NRXN3: variants seen among roughly 807,000 people sequenced by gnomAD.
NRXN3 encodes neurexin 3, also known as neurexin III.
Under a neutral mutation model 137.6 loss-of-function variants are expected in NRXN3, and 32 were observed. That is an observed-to-expected ratio of 0.23 (90% CI 0.18 to 0.31). The LOEUF (loss-of-function observed/expected upper bound fraction) is 0.31. NRXN3 is among the 10% of genes least tolerant of loss of function. NRXN3 has a pLI of 1.00. For missense variants in NRXN3, 1,574 were observed against 2,062.5 expected, an observed-to-expected ratio of 0.76 and a Z score of 4.59; for synonymous variants, 798 against 784.5, an observed-to-expected ratio of 1.02 and a Z score of -0.29.
At chr14:78,455,378 G>T (rs1295868478) in intron 4 of NRXN3, among the ~76,000 whole-genome samples, 1 of 152,180 alleles carries the variant, frequency 6.6e-6, no homozygotes, top group Non-Finnish European at 1.5e-5. Context: ...TCCCCAGATG[G>T]TCCCCTTAGG....
intron 7 of NRXN3, among the ~76,000 whole-genome samples, chr14:78,710,977 T>G (rs1312498774): frequency 6.6e-6 from 1 of 152,190 alleles, no homozygotes; most frequent in East Asian, 1.9e-4. Flanking sequence ...ACCCAAAAAA[T>G]TAATTTCTTT....
intron 19 of NRXN3, among the ~76,000 whole-genome samples, chr14:79,767,136 A>T (rs2099058637): frequency 6.6e-6 from 1 of 152,180 alleles, no homozygotes. Flanking sequence ...AAAATCCTTA[A>T]TATGGCCTAC....
At chr14:78,222,663 A>G (rs1224680458) in intron 1 of NRXN3, among the ~76,000 whole-genome samples, 1 of 152,130 alleles carries the variant, frequency 6.6e-6, no homozygotes, top group Non-Finnish European at 1.5e-5. Flanking sequence ...GAAGAAAACT[A>G]TTTAAATGGA....
chr14:79,513,197 C>T (rs1387860576), intron 16 of NRXN3, among the ~76,000 whole-genome samples: 1 of 152,208 alleles, frequency 6.6e-6, no homozygotes, highest in African/African-American at 2.4e-5. Flanking sequence ...GGAAAGCTAT[C>T]TTTTGCAACC....
intron 4 of NRXN3, among the ~76,000 whole-genome samples, chr14:78,326,018 G>A (rs1390944713): frequency 6.6e-6 from 1 of 152,134 alleles, no homozygotes; most frequent in Non-Finnish European, 1.5e-5. Flanking sequence ...AACCCCCTTA[G>A]TCCTGGGCAA....
intron 15 of NRXN3, among the ~76,000 whole-genome samples, chr14:79,397,445 G>T (rs1026880378): frequency 2.0e-5 from 3 of 152,204 alleles, no homozygotes; most frequent in Non-Finnish European, 4.4e-5. Flanking sequence ...GACTGTAATT[G>T]TTAGTAACTC....
chr14:78,301,154 T>G (rs1597051548), intron 4 of NRXN3, among the ~76,000 whole-genome samples: 1 of 151,346 alleles, frequency 6.6e-6, no homozygotes, highest in Admixed American at 6.6e-5. Flanking sequence ...AATGTGGAAT[T>G]GGGGGGGATA....
At chr14:78,330,944 A>G (rs917322237) in intron 4 of NRXN3, among the ~76,000 whole-genome samples, 1 of 152,164 alleles carries the variant, frequency 6.6e-6, no homozygotes, top group African/African-American at 2.4e-5. Flanking sequence ...ATATATCAGT[A>G]CATTTCCTAA....
intron 15 of NRXN3, among the ~76,000 whole-genome samples, chr14:79,451,171 GAAAA>G (rs563541996): frequency 0.017 from 1,486 of 86,178 alleles, 14 homozygotes; most frequent in Non-Finnish European, 0.022. Flanking sequence ...GGAGGGAACA[GAAAA>G]AAAAAAAAAA....
intron 15 of NRXN3, among the ~76,000 whole-genome samples, chr14:79,389,730 T>C (rs1400195762): frequency 6.6e-6 from 1 of 152,200 alleles, no homozygotes; most frequent in African/African-American, 2.4e-5. Context: ...ATGAGAAGGT[T>C]CAAGGACTAG....
At chr14:78,824,991 C>G (rs1463453989) in intron 10 of NRXN3, among the ~76,000 whole-genome samples, 2 of 151,894 alleles carry the variant, frequency 1.3e-5, no homozygotes, top group African/African-American at 2.4e-5. Flanking sequence ...TCGGATCCAT[C>G]TTTTCCCTAA....
At chr14:79,840,916 A>G in intron 20 of NRXN3, among the ~76,000 whole-genome samples, 1 of 152,318 alleles carries the variant, frequency 6.6e-6, no homozygotes. Context: ...TTCTAAGCAT[A>G]TATCTTAACT....
intron 15 of NRXN3, among the ~76,000 whole-genome samples, chr14:79,266,328 C>T (rs564435602): frequency 2.6e-5 from 4 of 151,768 alleles, no homozygotes; most frequent in Non-Finnish European, 5.9e-5. Context: ...TTTTCAAAAG[C>T]CTTCTGATTT....
Position 78,804,774 on chromosome 14 carries a change from A to G in NRXN3, c.2248+951A>G, listed in dbSNP as rs1325914841. Reference sequence around the variant, plus strand: ...GGATCCTCTTGGTTTTTGGCAAGGAAAAAACAAACAAACACTCCATTTCTG... The same window carrying G: ...GGATCCTCTTGGTTTTTGGCAAGGAGAAAACAAACAAACACTCCATTTCTG... On this transcript the variant is annotated intron_variant, in intron 9 of 20. Coordinates refer to ENST00000335750, the MANE Select transcript of NRXN3 (RefSeq NM_001330195.2). 2.6e-5 allele frequency among the ~76,000 whole-genome samples: 4 copies of G among 152,180 alleles called. No individual in the cohort carries two copies. In the East Asian group the frequency reaches 7.7e-4, roughly 29 times the overall value.
At chr14:79,018,735 A>T (rs1475068450) in intron 15 of NRXN3, among the ~76,000 whole-genome samples, 1 of 152,234 alleles carries the variant, frequency 6.6e-6, no homozygotes, top group African/African-American at 2.4e-5. Flanking sequence ...GGTTTTTAAA[A>T]GTAGTACAAT....
intron 20 of NRXN3, among the ~76,000 whole-genome samples, chr14:79,836,719 GA>G: frequency 6.6e-6 from 1 of 152,154 alleles, no homozygotes; most frequent in Non-Finnish European, 1.5e-5. Context: ...GAGCTTTCCA[GA>G]GCAGTAACAG....
At chr14:79,169,479 A>G (rs1352461999) in intron 15 of NRXN3, among the ~76,000 whole-genome samples, 2 of 152,098 alleles carry the variant, frequency 1.3e-5, no homozygotes, top group South Asian at 2.1e-4. Flanking sequence ...GACAAAAAAA[A>G]TCCAATCTAA....
intron 8 of NRXN3, among the ~76,000 whole-genome samples, chr14:78,724,383 A>T (rs573524612): frequency 6.2e-4 from 95 of 152,340 alleles, no homozygotes; most frequent in African/African-American, 2.2e-3. Context: ...TAAAACCTAA[A>T]ACTTGACTGA....
At chr14:79,795,845 G>A (rs1457884430) in intron 19 of NRXN3, among the ~76,000 whole-genome samples, 1 of 152,042 alleles carries the variant, frequency 6.6e-6, no homozygotes, top group Non-Finnish European at 1.5e-5. Context: ...GTTTTGGGAT[G>A]TACTAACATG....
Sources: allele counts gnomAD v4.1 joint callset (sites outside exome capture counted in the v4.1 genomes callset), GRCh38; gene constraint gnomAD v4.1.1; transcripts MANE v1.5; gene names NCBI Gene and HGNC (gene_info 2026-07-23, HGNC 2026-07-21).